SLX4IP: variants seen among roughly 807,000 people sequenced by gnomAD.
The protein encoded by SLX4IP is SLX4 interacting protein, also known as protein SLX4IP.
SLX4IP carries 34 observed loss-of-function variants against 32.9 expected under a neutral mutation model. The observed-to-expected ratio is 1.03, with a 90% CI of 0.79 to 1.38. The LOEUF (loss-of-function observed/expected upper bound fraction) is 1.38. Ranked by LOEUF, SLX4IP falls within the 40% of genes most tolerant of loss-of-function variation. SLX4IP has a pLI of 0.00. For missense variants in SLX4IP, 444 were observed against 479.0 expected (o/e 0.93, Z 0.68); for synonymous variants, 172 against 171.7 (o/e 1.00, Z -0.01).
chr20:10,459,444 A>T (rs1165783409), intron 2 of SLX4IP, among the ~76,000 whole-genome samples: 1 of 152,218 alleles, frequency 6.6e-6, no homozygotes, highest in African/African-American at 2.4e-5. Context: ...TTAAGTAGGC[A>T]TATGGAAAAT....
At chr20:10,575,892 G>A (rs868715978) in intron 4 of SLX4IP, among the ~76,000 whole-genome samples, 3 of 151,976 alleles carry the variant, frequency 2.0e-5, no homozygotes, top group East Asian at 1.9e-4. Context: ...TTATCTTACC[G>A]ACTAAATATC....
chr20:10,484,044 C>T (rs1172051036), intron 2 of SLX4IP, among the ~76,000 whole-genome samples: 1 of 152,092 alleles, frequency 6.6e-6, no homozygotes, highest in Non-Finnish European at 1.5e-5. Context: ...ACTTATTCAT[C>T]AAACCTAGCA....
At chr20:10,619,990 A>G (rs763801507) in intron 6 of SLX4IP, among the ~76,000 whole-genome samples, 27 of 152,236 alleles carry the variant, frequency 1.8e-4, no homozygotes, top group Non-Finnish European at 2.6e-4. Context: ...ATGGATAGGC[A>G]CAATTGAAGA....
chr20:10,479,474 T>A (rs1457999178), intron 2 of SLX4IP, among the ~76,000 whole-genome samples: 1 of 150,164 alleles, frequency 6.7e-6, no homozygotes, highest in African/African-American at 2.5e-5. Flanking sequence ...TGCCTCAGCC[T>A]CCTGAGTAGC....
chr20:10,617,477 C>A (rs1243917864), intron 6 of SLX4IP, among the ~76,000 whole-genome samples: 1 of 152,110 alleles, frequency 6.6e-6, no homozygotes, highest in Non-Finnish European at 1.5e-5. Flanking sequence ...CCGTTTTAGG[C>A]CAACTTCTCT....
chr20:10,622,532 T>C (rs1254724795), intron 7 of SLX4IP, 127 bp from the exon 8 acceptor site: 1 of 1,344,880 alleles, frequency 7.4e-7, no homozygotes, highest in Non-Finnish European at 1.0e-6. Context: ...CCAGATTTGC[T>C]GGGGAAGCGA....
At chr20:10,600,852 A>G (rs992135468) in intron 5 of SLX4IP, among the ~76,000 whole-genome samples, 21 of 152,162 alleles carry the variant, frequency 1.4e-4, no homozygotes, top group African/African-American at 4.8e-4. Flanking sequence ...AAGCAGTACA[A>G]CCAAGTAGGA....
chr20:10,576,481 T>G (rs2066524570), intron 4 of SLX4IP, among the ~76,000 whole-genome samples: 1 of 152,320 alleles, frequency 6.6e-6, no homozygotes, highest in East Asian at 1.9e-4. Flanking sequence ...TCACATTTAT[T>G]TTAATTATTT....
chr20:10,576,259 C>T (rs937519069), intron 4 of SLX4IP, among the ~76,000 whole-genome samples: 3 of 152,028 alleles, frequency 2.0e-5, no homozygotes, highest in South Asian at 2.1e-4. Flanking sequence ...CCCTTTGGTA[C>T]GATAGACATT....
intron 3 of SLX4IP, 94 bp downstream of exon 3, chr20:10,556,414 A>C: frequency 8.1e-7 from 1 of 1,236,000 alleles, no homozygotes; most frequent in Non-Finnish European, 1.1e-6. Context: ...TTAGTGGGAA[A>C]AAAATGTTGC....
At chr20:10,579,691 G>A (rs911653741) in intron 4 of SLX4IP, among the ~76,000 whole-genome samples, 1 of 152,170 alleles carries the variant, frequency 6.6e-6, no homozygotes, top group African/African-American at 2.4e-5. Flanking sequence ...CTCCCAAAGT[G>A]TTGGGATTAC....
rs552236225 is a variant in SLX4IP, at chr20:10,622,701, G to A, written c.549G>A (p.Ser183=). 2.1e-5 allele frequency: 34 copies of A among 1,612,870 alleles called. 1 individual carries two copies. Among genetic ancestry groups the A allele is most frequent in the African/African-American group, 1.2e-4 (9 of 74,966 alleles). The part of the protein sequence containing the change: ...TETKSSVTSK[S]QTRRDTVETS... Reference sequence around the variant, plus strand: ...CAAAAAGCAGTGTCACGAGCAAATCGCAGACCAGAAGAGACACTGTGGAAA... The same window carrying A: ...CAAAAAGCAGTGTCACGAGCAAATCACAGACCAGAAGAGACACTGTGGAAA... Residue 183 remains serine, a synonymous_variant, in exon 8 of 8, where the codon TCG becomes TCA. Coordinates refer to ENST00000334534, the MANE Select transcript of SLX4IP (RefSeq NM_001009608.3).
chr20:10,568,644 G>C (rs532536730), intron 4 of SLX4IP, among the ~76,000 whole-genome samples: 217 of 152,288 alleles, frequency 1.4e-3, no homozygotes, highest in African/African-American at 5.0e-3. Context: ...TGATCTCCTA[G>C]GGATTAATAC....
intron 6 of SLX4IP, among the ~76,000 whole-genome samples, chr20:10,619,217 C>CTTTTTTTTT (rs59741153): frequency 8.7e-5 from 11 of 126,642 alleles, no homozygotes; most frequent in Non-Finnish European, 1.3e-4. Context: ...CTTTTTTTTT[C>CTTTTTTTTT]TTTTTTTTTT....
chr20:10,482,333 A>G (rs2065530191), intron 2 of SLX4IP, among the ~76,000 whole-genome samples: 1 of 152,186 alleles, frequency 6.6e-6, no homozygotes, highest in African/African-American at 2.4e-5. Context: ...AAGCCATGCC[A>G]TTTAATTTAA....
chr20:10,556,157 T>G (rs143909958), intron 2 of SLX4IP, 74 bp from the exon 3 acceptor site: 1 of 1,377,918 alleles, frequency 7.3e-7, no homozygotes, highest in African/African-American at 1.5e-5. Context: ...CACATAGGAA[T>G]TTGTGAGATT....
At chr20:10,443,257 A>G (rs1184486734) in intron 1 of SLX4IP, among the ~76,000 whole-genome samples, 2 of 152,354 alleles carry the variant, frequency 1.3e-5, no homozygotes, top group East Asian at 3.9e-4. Flanking sequence ...CCACATTCTG[A>G]TTTAGTAACA....
intron 2 of SLX4IP, among the ~76,000 whole-genome samples, chr20:10,501,230 GTAA>G (rs748590030): frequency 6.6e-6 from 1 of 152,122 alleles, no homozygotes; most frequent in Non-Finnish European, 1.5e-5. Context: ...GGTGGAGGGA[GTAA>G]TAATGACATT....
chr20:10,461,892 C>T (rs886087094), intron 2 of SLX4IP, among the ~76,000 whole-genome samples: 1 of 152,154 alleles, frequency 6.6e-6, no homozygotes, highest in African/African-American at 2.4e-5. Context: ...GTCCTCCTGC[C>T]TTAGCCTCCT....
Sources: allele counts gnomAD v4.1 joint callset (sites outside exome capture counted in the v4.1 genomes callset), GRCh38; gene constraint gnomAD v4.1.1; transcripts MANE v1.5; gene names NCBI Gene and HGNC (gene_info 2026-07-23, HGNC 2026-07-21).